The following RAD51B variants were observed in gnomAD, a reference collection of about 807,000 sequenced individuals.
The protein encoded by RAD51B is DNA repair protein RAD51 homolog 2.
Under a neutral mutation model 42.2 loss-of-function variants are expected in RAD51B, and 38 were observed. The ratio of observed to expected loss-of-function variants is 0.90; its 90% CI spans 0.70 to 1.18. The LOEUF (loss-of-function observed/expected upper bound fraction) is 1.18. RAD51B is among the 50% of genes most tolerant of loss of function. RAD51B has a pLI of 0.00. For missense variants in RAD51B, 373 were observed against 400.7 expected (o/e 0.93, Z 0.59); for synonymous variants, 154 against 145.2 (o/e 1.06, Z -0.43).
intron 7 of RAD51B, among the ~76,000 whole-genome samples, chr14:68,028,414 G>T (rs1595282322): frequency 6.6e-6 from 1 of 152,148 alleles, no homozygotes; most frequent in South Asian, 2.1e-4. Context: ...CTTGCAGAGG[G>T]ATGCATGCCC....
chr14:68,085,450 T>C (rs2076970271), intron 7 of RAD51B, among the ~76,000 whole-genome samples: 1 of 151,994 alleles, frequency 6.6e-6, no homozygotes, highest in Non-Finnish European at 1.5e-5. Flanking sequence ...TGGAGAAGTA[T>C]GAGGAAAATC....
chr14:68,563,067 C>T (rs999064472), intron 10 of RAD51B: 1 of 985,348 alleles, frequency 1.0e-6, no homozygotes, highest in South Asian at 4.7e-5. Flanking sequence ...AGTGGGAGGG[C>T]AGAGGCTGGC....
chr14:67,843,220 T>C (rs566150479), intron 4 of RAD51B, among the ~76,000 whole-genome samples: 91 of 147,404 alleles, frequency 6.2e-4, no homozygotes, highest in Middle Eastern at 3.5e-3. Context: ...GTTACATATG[T>C]ATACATGTGC....
chr14:68,264,518 C>T (rs1450406768), intron 7 of RAD51B, among the ~76,000 whole-genome samples: 1 of 152,220 alleles, frequency 6.6e-6, no homozygotes, highest in Admixed American at 6.5e-5. Context: ...TTGGAGTTAT[C>T]TGGGACCTCA....
At chr14:68,110,057 CT>C (rs1296440967) in intron 7 of RAD51B, among the ~76,000 whole-genome samples, 2 of 151,950 alleles carry the variant, frequency 1.3e-5, no homozygotes, top group Admixed American at 1.3e-4. Context: ...CCAAATTTCA[CT>C]GAAGTTCATA....
At chr14:68,426,492 C>A (rs1344950318) in intron 9 of RAD51B, among the ~76,000 whole-genome samples, 1 of 152,152 alleles carries the variant, frequency 6.6e-6, no homozygotes. Flanking sequence ...TGCATCCACG[C>A]CTTGAGGTCT....
chr14:68,615,182 T>C (rs568408796), downstream of RAD51B, among the ~76,000 whole-genome samples: 6 of 152,324 alleles, frequency 3.9e-5, no homozygotes, highest in African/African-American at 1.4e-4. Flanking sequence ...TTTCTGACTA[T>C]TTGTTTTATT....
intron 10 of RAD51B, among the ~76,000 whole-genome samples, chr14:68,494,692 G>A (rs1594911183): frequency 6.6e-6 from 1 of 152,166 alleles, no homozygotes; most frequent in Admixed American, 6.5e-5. Flanking sequence ...AAAAATGAGG[G>A]CAGTGAGAAA....
At chr14:67,899,650 T>C (rs1348794991) in intron 7 of RAD51B, among the ~76,000 whole-genome samples, 1 of 152,212 alleles carries the variant, frequency 6.6e-6, no homozygotes. Flanking sequence ...AAAAAATAAG[T>C]AGTCATTGAC....
intron 7 of RAD51B, among the ~76,000 whole-genome samples, chr14:68,180,861 G>C (rs1372964611): frequency 6.6e-6 from 1 of 152,188 alleles, no homozygotes; most frequent in Non-Finnish European, 1.5e-5. Context: ...ACTGGCTGCT[G>C]TGGCAAGGTT....
At chr14:68,403,133 A>G (rs1272811424) in intron 8 of RAD51B, among the ~76,000 whole-genome samples, 1 of 152,192 alleles carries the variant, frequency 6.6e-6, no homozygotes, top group Non-Finnish European at 1.5e-5. Flanking sequence ...TCAATCCTGA[A>G]AACATTTGTA....
At chr14:67,845,681 C>A (rs551024610) in intron 4 of RAD51B, among the ~76,000 whole-genome samples, 66 of 151,954 alleles carry the variant, frequency 4.3e-4, no homozygotes, top group East Asian at 1.4e-3. Flanking sequence ...TACACACACA[C>A]AAAAAAACAC....
intron 10 of RAD51B, among the ~76,000 whole-genome samples, chr14:68,503,938 T>C (rs1052847156): frequency 6.6e-6 from 1 of 152,116 alleles, no homozygotes; most frequent in African/African-American, 2.4e-5. Context: ...CAGAAAGGAA[T>C]TGGAATCATT....
At chr14:68,177,165 A>G (rs1376942350) in intron 7 of RAD51B, among the ~76,000 whole-genome samples, 1 of 152,214 alleles carries the variant, frequency 6.6e-6, no homozygotes, top group African/African-American at 2.4e-5. Flanking sequence ...TTGACTTCCA[A>G]TGGCAAACAG....
intron 9 of RAD51B, among the ~76,000 whole-genome samples, chr14:68,449,214 T>C (rs1456064471): frequency 2.6e-5 from 4 of 152,202 alleles, no homozygotes; most frequent in African/African-American, 9.7e-5. Flanking sequence ...TCTAATTATT[T>C]TTAAAAAACA....
intron 7 of RAD51B, among the ~76,000 whole-genome samples, chr14:68,189,025 G>A (rs2079211658): frequency 6.6e-6 from 1 of 151,764 alleles, no homozygotes; most frequent in Admixed American, 6.6e-5. Flanking sequence ...CTATTGTAGT[G>A]GTTCTGCTGC....
chr14:68,450,554 C>T (rs1224326328), intron 9 of RAD51B, among the ~76,000 whole-genome samples: 1 of 152,132 alleles, frequency 6.6e-6, no homozygotes, highest in East Asian at 1.9e-4. Context: ...CTGAACTTGC[C>T]TCCTGTTCCA....
chr14:68,425,403 G>A (rs959232736), intron 9 of RAD51B, among the ~76,000 whole-genome samples: 1 of 152,216 alleles, frequency 6.6e-6, no homozygotes, highest in Non-Finnish European at 1.5e-5. Flanking sequence ...GCCCATGAGG[G>A]CCCTGCCCTC....
intron 7 of RAD51B, among the ~76,000 whole-genome samples, chr14:68,283,033 A>C (rs1312352455): frequency 2.6e-5 from 4 of 152,188 alleles, no homozygotes; most frequent in African/African-American, 9.7e-5. Flanking sequence ...TCCAAGGAGC[A>C]AGTGATTCAA....
Sources: gnomAD v4.1 joint callset for allele counts (sites outside exome capture counted in the v4.1 genomes callset) on GRCh38, gnomAD v4.1.1 for gene constraint, MANE v1.5 for transcripts, NCBI Gene and HGNC (gene_info 2026-07-23, HGNC 2026-07-21) for gene names.